The following TAB2 variants were observed in gnomAD, a reference collection of about 807,000 sequenced individuals.
TAB2 encodes TGF-beta-activated kinase 1 and MAP3K7-binding protein 2.
A neutral mutation model predicts 65.0 loss-of-function variants in TAB2; 3 were observed. The observed-to-expected ratio is 0.05, with a 90% CI of 0.02 to 0.12. TAB2 has a LOEUF of 0.12. TAB2 is among the 10% of genes least tolerant of loss of function. The pLI, the probability that TAB2 is intolerant of heterozygous loss-of-function variation, is 1.00. For synonymous variants in TAB2, 298 were observed against 285.1 expected, an observed-to-expected ratio of 1.05 and a Z score of -0.46; for missense variants, 623 against 840.3, an observed-to-expected ratio of 0.74 and a Z score of 3.20.
Position 149,410,248 on chromosome 6 carries a change from C to A in TAB2, c.*529C>A. On this transcript the variant is annotated 3_prime_UTR_variant, in exon 7 of 7. Coordinates refer to ENST00000637181, the MANE Select transcript of TAB2 (RefSeq NM_001292034.3). ...TGGCCTTGTCTTTGTCTTCCCTGAA[C>A]GTGTCTCCACTCTGTGAAGCCAGCA... 1 of 168,386 alleles carries A rather than the reference C, an allele frequency of 5.9e-6. No individual in the cohort carries two copies. The highest frequency in any genetic ancestry group is 1.3e-5 in the Non-Finnish European group (1 of 77,418). 10.4% of individuals were successfully genotyped at this position (168,386 alleles called of 1,614,324 possible). A position where few individuals can be genotyped will look rare whatever the true frequency, so the allele number is the denominator to read the frequency against.
At chr6:149,302,537 G>A (rs1366123123) in intron 1 of TAB2, among the ~76,000 whole-genome samples, 1 of 152,168 alleles carries the variant, frequency 6.6e-6, no homozygotes, top group Non-Finnish European at 1.5e-5. Context: ...TTCATGCCAA[G>A]GCCACAGTGA....
chr6:149,257,391 T>G (rs1054035385), intron 1 of TAB2: 40 of 152,238 alleles, frequency 2.6e-4, no homozygotes, highest in African/African-American at 8.2e-4. Context: ...CACCTGTGTG[T>G]GGAATAGGCA....
In TAB2 at chr6:149,380,602, A is replaced by G. The variant is rs1396549461; in HGVS notation, c.1603+1084A>G. ...GACTGTTAAATAAATACATTTAGATAAGAAGGTGGAGGTTATTCATTTTCT... is the reference window on the plus strand; with the variant it reads ...GACTGTTAAATAAATACATTTAGATGAGAAGGTGGAGGTTATTCATTTTCT... On this transcript the variant is annotated intron_variant, in intron 3 of 6. Transcript: ENST00000637181. 2.0e-5 allele frequency among the ~76,000 whole-genome samples: 3 copies of G among 152,200 alleles called. No homozygotes were observed. The East Asian group carries it at 5.8e-4, about 29-fold the overall frequency.
intron 1 of TAB2, among the ~76,000 whole-genome samples, chr6:149,355,789 T>G (rs1402980221): frequency 6.6e-6 from 1 of 152,172 alleles, no homozygotes; most frequent in African/African-American, 2.4e-5. Context: ...TTTACCTGTG[T>G]GCTTCCTACC....
chr6:149,280,246 C>T (rs1778549242), intron 1 of TAB2, among the ~76,000 whole-genome samples: 1 of 152,166 alleles, frequency 6.6e-6, no homozygotes, highest in Admixed American at 6.5e-5. Flanking sequence ...TCAGTACTAA[C>T]TTCATGAGTT....
rs1781534077 is a variant in TAB2, at chr6:149,379,442, T to G, written c.1527T>G (p.Pro509=). 1 of 1,614,158 alleles carries G rather than the reference T, an allele frequency of 6.2e-7. No individual in the cohort carries two copies. Among genetic ancestry groups the G allele is most frequent in the South Asian group, 1.1e-5 (1 of 91,086 alleles). The change falls in exon 3 of 7, where the codon CCT becomes CCG. Residue 509 remains proline (P), a synonymous_variant. Coordinates refer to ENST00000637181, the MANE Select transcript of TAB2 (RefSeq NM_001292034.3). The stretch of plus-strand genomic sequence containing the variant: ...AGAATATTCAGCACCTCACGGACCC[T>G]ACATTAGCACATGTGGATAGAATAA... ...ETENIQHLTD[P]TLAHVDRISE...
chr6:149,400,411 C>A, intron 6 of TAB2: 1 of 1,614,170 alleles, frequency 6.2e-7, no homozygotes, highest in Non-Finnish European at 8.5e-7. Flanking sequence ...GAAAAGCCCA[C>A]AGAAGAAGTC....
At chr6:149,333,776 T>A (rs1161548631) in intron 1 of TAB2, among the ~76,000 whole-genome samples, 5 of 151,824 alleles carry the variant, frequency 3.3e-5, no homozygotes, top group Admixed American at 2.0e-4. Context: ...GATACATATA[T>A]TGTGTTAGTC....
At chr6:149,231,215 A>T (rs1457474483) in intron 1 of TAB2, among the ~76,000 whole-genome samples, 2 of 152,254 alleles carry the variant, frequency 1.3e-5, no homozygotes, top group Non-Finnish European at 2.9e-5. Context: ...CGAAATGTGG[A>T]CAATGATTCC....
intron 1 of TAB2, among the ~76,000 whole-genome samples, chr6:149,296,132 G>C (rs1280738546): frequency 6.6e-6 from 1 of 152,192 alleles, no homozygotes; most frequent in Non-Finnish European, 1.5e-5. Context: ...AATAATTTGA[G>C]GCTTATAGTG....
rs142179462 is a variant in TAB2 at position 149,393,506 on chromosome 6, C to T, written c.1604-4098C>T. ...ACAACCATATGTGTAGCAACTGTGGCTCTTTCAAGTCTCCTAAATCATCAT... is the reference window on the plus strand; with the variant it reads ...ACAACCATATGTGTAGCAACTGTGGTTCTTTCAAGTCTCCTAAATCATCAT... On this transcript the variant is annotated intron_variant, in intron 3 of 6. Transcript: ENST00000637181. Among the ~76,000 whole-genome samples, 998 of 152,266 alleles carry T rather than the reference C, an allele frequency of 6.6e-3. 13 individuals carry two copies. Among genetic ancestry groups the T allele is most frequent in the African/African-American group, 0.022 (906 of 41,550 alleles).
intron 1 of TAB2, among the ~76,000 whole-genome samples, chr6:149,334,731 A>G (rs1779883844): frequency 6.6e-6 from 1 of 152,124 alleles, no homozygotes; most frequent in African/African-American, 2.4e-5. Context: ...ACAAGAGGTC[A>G]TGGTGTTAGG....
At chr6:149,407,566 T>G (rs1782707726) in intron 6 of TAB2, among the ~76,000 whole-genome samples, 1 of 152,140 alleles carries the variant, frequency 6.6e-6, no homozygotes, top group African/African-American at 2.4e-5. Flanking sequence ...TGCTGGCTGT[T>G]TTGGGAGAAA....
chr6:149,398,333 A>G (rs372685736), intron 5 of TAB2, among the ~76,000 whole-genome samples: 22 of 152,322 alleles, frequency 1.4e-4, no homozygotes, highest in Admixed American at 7.2e-4. Flanking sequence ...ATGACAAGCA[A>G]TGTTTTCTTA....
At chr6:149,342,498 T>C (rs1462234062) in intron 1 of TAB2, among the ~76,000 whole-genome samples, 1 of 152,220 alleles carries the variant, frequency 6.6e-6, no homozygotes, top group Non-Finnish European at 1.5e-5. Flanking sequence ...GTTAAAAGAA[T>C]GGCTTAACCA....
intron 1 of TAB2, among the ~76,000 whole-genome samples, chr6:149,351,755 A>G (rs983057353): frequency 2.0e-5 from 3 of 152,192 alleles, no homozygotes; most frequent in Admixed American, 1.3e-4. Context: ...TAGAATTTAT[A>G]CTTAGCCAGC....
At chr6:149,292,944 C>A (rs999779046) in intron 1 of TAB2, among the ~76,000 whole-genome samples, 1 of 152,202 alleles carries the variant, frequency 6.6e-6, no homozygotes, top group Admixed American at 6.5e-5. Context: ...AATTAAAATT[C>A]TTTGGCCAGA....
At chr6:149,278,249 T>G (rs1348266878) in intron 1 of TAB2, among the ~76,000 whole-genome samples, 1 of 152,220 alleles carries the variant, frequency 6.6e-6, no homozygotes, top group Non-Finnish European at 1.5e-5. Flanking sequence ...GAACTCTTCT[T>G]CCATGAAGGT....
In TAB2 at chr6:149,277,146, TCTTTA is replaced by T. The variant is rs1216458941; in HGVS notation, c.-121+58376_-121+58380del. On this transcript the variant is annotated intron_variant, in intron 1 of 1. Transcript: ENST00000606202. ...TGTGGGACTGTGAGTAAATTAAACC[TCTTTA>T]CTTTATAAATTACCCAATCTTGGGT... 5.4e-4 allele frequency among the ~76,000 whole-genome samples: 82 copies of T among 152,340 alleles called. 1 individual carries two copies. Among genetic ancestry groups the T allele is most frequent in the Admixed American group, 5.2e-4 (8 of 15,306 alleles).
Sources: allele counts gnomAD v4.1 joint callset (sites outside exome capture counted in the v4.1 genomes callset), GRCh38; gene constraint gnomAD v4.1.1; transcripts MANE v1.5; gene names NCBI Gene and HGNC (gene_info 2026-07-23, HGNC 2026-07-21).